SND1: variants seen among roughly 807,000 people sequenced by gnomAD.
The protein encoded by SND1 is staphylococcal nuclease domain-containing protein 1.
SND1 carries 38 observed loss-of-function variants against 121.7 expected under a neutral mutation model. The ratio of observed to expected loss-of-function variants is 0.31; its 90% CI spans 0.24 to 0.41. SND1 has a LOEUF of 0.41. Ranked by LOEUF, SND1 falls within the 10% of genes least tolerant of loss-of-function variation. The pLI, the probability that SND1 is intolerant of heterozygous loss-of-function variation, is 1.00. For synonymous variants in SND1, 401 were observed against 447.4 expected (o/e 0.90, Z 1.31); for missense variants, 868 against 1,184.6 (o/e 0.73, Z 3.92).
At chr7:128,087,448 T>G (rs1471032461) in intron 21 of SND1, among the ~76,000 whole-genome samples, 6 of 152,170 alleles carry the variant, frequency 3.9e-5, no homozygotes, top group Non-Finnish European at 1.5e-5. Context: ...CTAGGAGAAG[T>G]GTGACATGGT....
intron 15 of SND1, among the ~76,000 whole-genome samples, chr7:127,975,487 C>T (rs1183706710): frequency 6.6e-6 from 1 of 151,644 alleles, no homozygotes; most frequent in African/African-American, 2.4e-5. Context: ...TCTGCTTGCA[C>T]CCCAGAGCAG....
chr7:127,934,579 C>T (rs1432555236), intron 15 of SND1, among the ~76,000 whole-genome samples: 2 of 151,836 alleles, frequency 1.3e-5, no homozygotes, highest in East Asian at 1.9e-4. Flanking sequence ...ACTTGAAATT[C>T]GGGGAATGCC....
chr7:127,942,807 C>A (rs1326947090), intron 15 of SND1, among the ~76,000 whole-genome samples: 3 of 152,180 alleles, frequency 2.0e-5, no homozygotes, highest in Non-Finnish European at 4.4e-5. Context: ...AATCTTCATT[C>A]TTCTAATAGC....
chr7:127,940,598 C>T (rs138798069), intron 15 of SND1, among the ~76,000 whole-genome samples: 114 of 152,292 alleles, frequency 7.5e-4, no homozygotes, highest in African/African-American at 2.6e-3. Context: ...CCTCACAAAT[C>T]TCCCACCCCT....
chr7:127,834,480 C>T (rs761226210), intron 11 of SND1, among the ~76,000 whole-genome samples: 2 of 152,152 alleles, frequency 1.3e-5, no homozygotes, highest in African/African-American at 2.4e-5. Flanking sequence ...TGAAGGGAGA[C>T]GCAGATACAA....
At chr7:127,903,126 C>A (rs967720928) in intron 13 of SND1, among the ~76,000 whole-genome samples, 2 of 152,106 alleles carry the variant, frequency 1.3e-5, no homozygotes, top group Admixed American at 6.6e-5. Flanking sequence ...TTGTGATCTA[C>A]CTTCCTCGGC....
At chr7:127,884,120 T>G (rs1331014961) in intron 12 of SND1, among the ~76,000 whole-genome samples, 2 of 152,082 alleles carry the variant, frequency 1.3e-5, no homozygotes, top group Non-Finnish European at 2.9e-5. Flanking sequence ...TGTTCCCAAT[T>G]TGGCCAGTAG....
At position 128,003,812 on chromosome 7, in the gene SND1, AT is replaced by A. The variant is rs565330762; in HGVS notation, c.1779+12757del. 3.3e-3 allele frequency among the ~76,000 whole-genome samples: 507 copies of A among 152,286 alleles called. 7 individuals are homozygous for A. Among genetic ancestry groups the A allele is most frequent in the African/African-American group, 0.011 (476 of 41,560 alleles). Reference sequence around the variant, plus strand: ...GTGGGAGGGGACTGGTGTTTGCTAAATAGCTGTATCTTACCATCATGCCCTT... The same window carrying A: ...GTGGGAGGGGACTGGTGTTTGCTAAAAGCTGTATCTTACCATCATGCCCTT... On this transcript the variant is annotated intron_variant, in intron 16 of 23. Transcript: ENST00000354725.
At chr7:127,774,540 G>A (rs1263771289) in intron 10 of SND1, among the ~76,000 whole-genome samples, 1 of 151,684 alleles carries the variant, frequency 6.6e-6, no homozygotes, top group Non-Finnish European at 1.5e-5. Context: ...ACACGCTGTA[G>A]TCACGGTAAG....
intron 14 of SND1, among the ~76,000 whole-genome samples, chr7:127,914,905 G>C (rs900475459): frequency 6.6e-6 from 1 of 152,164 alleles, no homozygotes; most frequent in East Asian, 1.9e-4. Flanking sequence ...AAATGGGTAT[G>C]ATAATGGCAC....
chr7:127,971,982 C>G (rs955877523), intron 15 of SND1, among the ~76,000 whole-genome samples: 18 of 152,020 alleles, frequency 1.2e-4, no homozygotes, highest in Non-Finnish European at 2.5e-4. Context: ...ACCGTGTTGC[C>G]CAGGCTGGTC....
intron 15 of SND1, among the ~76,000 whole-genome samples, chr7:127,987,568 A>G (rs555531731): frequency 5.4e-4 from 82 of 152,338 alleles, no homozygotes; most frequent in Non-Finnish European, 4.1e-4. Flanking sequence ...TTGGTCCCTT[A>G]GTACACAAAA....
intron 11 of SND1, among the ~76,000 whole-genome samples, chr7:127,823,539 C>T (rs1314235264): frequency 6.6e-6 from 1 of 152,116 alleles, no homozygotes; most frequent in South Asian, 2.1e-4. Flanking sequence ...ACCCTACCAG[C>T]AGGTTTTTTA....
intron 14 of SND1, among the ~76,000 whole-genome samples, chr7:127,908,318 A>ATG (rs10579969): frequency 0.071 from 9,842 of 138,336 alleles, 388 homozygotes; most frequent in Admixed American, 0.14. Flanking sequence ...ATAATAATAA[A>ATG]TGTGTGTGTG....
chr7:128,020,581 G>A (rs949248289), intron 16 of SND1, among the ~76,000 whole-genome samples: 7 of 152,150 alleles, frequency 4.6e-5, no homozygotes, highest in East Asian at 1.9e-4. Context: ...TCCATATCCC[G>A]GAAGTTAGGA....
Position 128,029,554 on chromosome 7 carries a change from T to C in SND1, c.1779+38498T>C. 1 of 1,614,012 alleles carries C rather than the reference T, an allele frequency of 6.2e-7. No individual in the cohort carries two copies. Among genetic ancestry groups the C allele is most frequent in the African/African-American group, 1.3e-5 (1 of 74,986 alleles). On this transcript the variant is annotated intron_variant, in intron 16 of 23. Transcript: ENST00000354725. The surrounding 1 kb of genome is among the most constrained non-coding windows in gnomAD (Gnocchi z 4.2). ...TCTGCCATCCGACCCTCAGAAATGT[T>C]GAGGTCTCGAGGTGCGTCCATGATG...
intron 11 of SND1, among the ~76,000 whole-genome samples, chr7:127,842,062 T>A (rs146304532): frequency 6.6e-6 from 1 of 152,312 alleles, no homozygotes; most frequent in East Asian, 1.9e-4. Flanking sequence ...TTTTGAGGCA[T>A]CTATCCTTTT....
intron 15 of SND1, among the ~76,000 whole-genome samples, chr7:127,937,616 C>T (rs933646355): frequency 6.6e-6 from 1 of 152,198 alleles, no homozygotes; most frequent in Non-Finnish European, 1.5e-5. Flanking sequence ...AAAGGTTTGG[C>T]TGTGTGTCCT....
intron 15 of SND1, among the ~76,000 whole-genome samples, chr7:127,937,968 G>A (rs1490152073): frequency 6.6e-6 from 1 of 152,232 alleles, no homozygotes; most frequent in Non-Finnish European, 1.5e-5. Context: ...CAATTACAGG[G>A]TCTGCTGATA....
Sources: gnomAD v4.1 joint callset for allele counts (sites outside exome capture counted in the v4.1 genomes callset) on GRCh38, gnomAD v4.1.1 for gene constraint, Gnocchi (gnomAD v3.1) non-coding constraint, MANE v1.5 for transcripts, NCBI Gene and HGNC (gene_info 2026-07-23, HGNC 2026-07-21) for gene names.